MTR: variants seen among roughly 807,000 people sequenced by gnomAD.
MTR encodes the protein methionine synthase.
Under a neutral mutation model 154.8 loss-of-function variants are expected in MTR, and 84 were observed. That is an observed-to-expected ratio of 0.54 (90% CI 0.45 to 0.65). MTR has a LOEUF of 0.65. Among genes scored for constraint, MTR ranks in the 30% least tolerant of loss-of-function variants. The pLI is 0.00. For synonymous variants in MTR, 554 were observed against 553.9 expected, an observed-to-expected ratio of 1.00 and a Z score of 0.00; for missense variants, 1,275 against 1,570.2, an observed-to-expected ratio of 0.81 and a Z score of 3.18.
At chr1:236,827,061 C>T (rs1014228858) in intron 11 of MTR, among the ~76,000 whole-genome samples, 165 bp downstream of exon 11, 5 of 152,158 alleles carry the variant, frequency 3.3e-5, no homozygotes, top group African/African-American at 1.2e-4. Context: ...GAGATGAGGC[C>T]TTTAAAGAGG....
chr1:236,853,735 T>C (rs1664048168), intron 18 of MTR, among the ~76,000 whole-genome samples: 1 of 152,216 alleles, frequency 6.6e-6, no homozygotes, highest in African/African-American at 2.4e-5. Context: ...TACCTGTTTA[T>C]GTTAGGATCT....
At position 236,882,359 on chromosome 1, in the gene MTR, G is replaced by A. The variant is rs552894194; in HGVS notation, c.2676+1523G>A. On this transcript the variant is annotated intron_variant, in intron 25 of 32. Coordinates refer to ENST00000366577, the MANE Select transcript of MTR (RefSeq NM_000254.3). ...AGGCAGGGGAAAGAATCAGCCCTTT[G>A]ATTCCATGTTTGGAGGACAAACCCC... Among the ~76,000 whole-genome samples the A allele has an allele frequency of 1.4e-4, 21 of 149,938 alleles. No individual in the cohort carries two copies. The East Asian group carries it at 3.9e-3, about 28-fold the overall frequency.
chr1:236,895,389 G>A lies in MTR; in HGVS notation c.3437G>A (p.Arg1146His), dbSNP rs748488313. The change falls in exon 31 of 33, where the codon CGC (arginine) becomes CAC (histidine). Residue 1146 changes from arginine (R) to histidine (H), a missense_variant. Arg to His is a conservative substitution (Grantham distance 29). Coordinates refer to ENST00000366577, the MANE Select transcript of MTR (RefSeq NM_000254.3). ...GCAGAAGAGCTCCATGAAAGAGTTC[G>A]CCGAGAACTGTGGGCCTACTGTGGC... The part of the protein sequence containing the change: ...AFAEELHERV[R>H]RELWAYCGSE... The A allele has an allele frequency of 5.0e-6, 8 of 1,603,690 alleles. No individual in the cohort carries two copies. The highest frequency in any genetic ancestry group is 1.7e-5 in the Admixed American group (1 of 58,838).
At chr1:236,875,995 A>G (rs1207856013) in intron 24 of MTR, among the ~76,000 whole-genome samples, 1 of 152,160 alleles carries the variant, frequency 6.6e-6, no homozygotes, top group East Asian at 1.9e-4. Context: ...GGGAGTGAAT[A>G]AGGGACTCCT....
chr1:236,893,105 A>G (rs908639826), intron 29 of MTR, among the ~76,000 whole-genome samples: 5 of 151,990 alleles, frequency 3.3e-5, no homozygotes, highest in Non-Finnish European at 7.4e-5. Context: ...CGAAGGTACC[A>G]TGGGGCTCTG....
At chr1:236,849,769 A>G (rs1176049977) in intron 15 of MTR, among the ~76,000 whole-genome samples, 1 of 152,158 alleles carries the variant, frequency 6.6e-6, no homozygotes, top group Non-Finnish European at 1.5e-5. Flanking sequence ...ACTAATTTGT[A>G]TTTATGACTT....
At chr1:236,882,471 A>G (rs1245881986) in intron 25 of MTR, among the ~76,000 whole-genome samples, 1 of 150,804 alleles carries the variant, frequency 6.6e-6, no homozygotes, top group South Asian at 2.1e-4. Flanking sequence ...GCTTACTGCA[A>G]CCTACGCCTC....
At chr1:236,896,177 C>G (rs558736973) in intron 31 of MTR, among the ~76,000 whole-genome samples, 1 of 152,290 alleles carries the variant, frequency 6.6e-6, no homozygotes, top group African/African-American at 2.4e-5. Flanking sequence ...TGACTTGGCT[C>G]GTGGTTCTGT....
intron 8 of MTR, chr1:236,819,749 C>G: frequency 1.3e-6 from 1 of 745,890 alleles, no homozygotes; most frequent in East Asian, 2.5e-5. Context: ...AGCAGTACAT[C>G]TATAAAAGGA....
At chr1:236,845,050 T>C (rs1663488742) in intron 15 of MTR, among the ~76,000 whole-genome samples, 1 of 151,040 alleles carries the variant, frequency 6.6e-6, no homozygotes, top group South Asian at 2.1e-4. Context: ...TTATTTCGTT[T>C]AGTCTTCAGA....
At chr1:236,800,243 C>T (rs1396790096) in intron 1 of MTR, 21 of 985,164 alleles carry the variant, frequency 2.1e-5, no homozygotes, top group South Asian at 9.4e-5. Flanking sequence ...ATCATTTTGC[C>T]GATGCCAAAG....
At chr1:236,864,330 CTCT>C (rs1247709506) in intron 22 of MTR, among the ~76,000 whole-genome samples, 1 of 152,162 alleles carries the variant, frequency 6.6e-6, no homozygotes, top group African/African-American at 2.4e-5. Flanking sequence ...CTCCTCAGTT[CTCT>C]TCTTTGCTGT....
rs1666104475 is a variant in MTR, at chr1:236,887,809, C to T, written c.2852-1372C>T. ...AATAAAAGAGGGTTTTCTTTTACGGCCCTGATGGTAACACCTCAAACATTT... is the reference window on the plus strand; with the variant it reads ...AATAAAAGAGGGTTTTCTTTTACGGTCCTGATGGTAACACCTCAAACATTT... On this transcript the variant is annotated intron_variant, in intron 27 of 32. Coordinates refer to ENST00000366577, the MANE Select transcript of MTR (RefSeq NM_000254.3). Among the ~76,000 whole-genome samples, 8 of 152,350 alleles carry T rather than the reference C, an allele frequency of 5.3e-5. No individual in the cohort carries two copies. In the South Asian group the frequency reaches 1.7e-3, roughly 32 times the overall value.
intron 18 of MTR, 63 bp downstream of exon 18, chr1:236,853,151 A>G (rs1664017133): frequency 4.6e-6 from 7 of 1,512,406 alleles, no homozygotes; most frequent in African/African-American, 1.4e-5. Context: ...ACTCACCTAC[A>G]GTTAGTAGAC....
rs1472781126 is a variant in MTR, at chr1:236,897,639, GACTA to G, written c.3797_*2del. The stretch of plus-strand genomic sequence containing the variant: ...TGGACCCATTTTGGGATATGATACA[GACTA>G]ACTTTTTTTTTTTTTTTGCCTTTTT... On this transcript the variant is annotated frameshift_variant and stop_lost, in exon 33 of 33. Transcript: ENST00000366577. LOFTEE classifies it high-confidence loss of function. The G allele has an allele frequency of 1.2e-6, 2 of 1,604,752 alleles. No individual in the cohort carries two copies. Among genetic ancestry groups the G allele is most frequent in the Non-Finnish European group, 1.7e-6 (2 of 1,173,658 alleles).
intron 18 of MTR, among the ~76,000 whole-genome samples, chr1:236,856,860 C>G (rs953327551): frequency 6.6e-6 from 1 of 152,144 alleles, no homozygotes; most frequent in African/African-American, 2.4e-5. Flanking sequence ...AGGACATGAA[C>G]TCATCCTTTT....
At chr1:236,823,872 T>C (rs554460938) in intron 8 of MTR, among the ~76,000 whole-genome samples, 105 of 135,658 alleles carry the variant, frequency 7.7e-4, no homozygotes, top group Non-Finnish European at 1.4e-3. Context: ...TAGAATACCA[T>C]GTGAACTGAT....
chr1:236,861,342 A>C, intron 20 of MTR, 65 bp downstream of exon 20: 1 of 1,606,736 alleles, frequency 6.2e-7, no homozygotes, highest in African/African-American at 1.3e-5. Flanking sequence ...ATAAATGGCG[A>C]TTTGGGATAT....
chr1:236,830,161 G>C (rs4659725), intron 12 of MTR, among the ~76,000 whole-genome samples: 110,279 of 151,978 alleles, frequency 0.73, 41,290 homozygotes, highest in African/African-American at 0.92. Flanking sequence ...TAACACATAC[G>C]AACTATATTC....
Sources: gnomAD v4.1 joint callset for allele counts (sites outside exome capture counted in the v4.1 genomes callset) on GRCh38, gnomAD v4.1.1 for gene constraint, MANE v1.5 for transcripts, NCBI Gene and HGNC (gene_info 2026-07-23, HGNC 2026-07-21) for gene names.